The following ZNF184 variants were observed in gnomAD, a reference collection of about 807,000 sequenced individuals.
ZNF184 encodes the protein zinc finger protein 184, also known as zinc finger protein 184 (Kruppel-like).
In ZNF184, 16 loss-of-function variants were observed where a neutral mutation model predicts 54.4. The observed-to-expected ratio is 0.29, with a 90% confidence interval of 0.20 to 0.45. ZNF184 has a LOEUF of 0.45. ZNF184 is among the 20% of genes least tolerant of loss of function. The pLI is 1.00. For missense variants in ZNF184, 681 were observed against 888.2 expected (o/e 0.77, Z 2.97); for synonymous variants, 254 against 295.3 (o/e 0.86, Z 1.43).
At chr6:27,435,982 C>T in the ZNF184 span, among the ~76,000 whole-genome samples, 13 of 150,114 alleles carry the variant, frequency 8.7e-5, no homozygotes, top group African/African-American at 3.2e-4. Flanking sequence ...CTTAACGATC[C>T]TAAATTAAAG....
chr6:27,448,017 G>A (rs1762657576), downstream of ZNF184, among the ~76,000 whole-genome samples: 1 of 152,204 alleles, frequency 6.6e-6, no homozygotes, highest in Admixed American at 6.5e-5. Context: ...TGCCAGTAGT[G>A]CTCCATTTCT....
chr6:27,467,247 C>T (rs1042119578), intron 3 of ZNF184, among the ~76,000 whole-genome samples: 1 of 152,140 alleles, frequency 6.6e-6, no homozygotes, highest in African/African-American at 2.4e-5. Flanking sequence ...ACTCATTTCA[C>T]CTTTCTTACA....
At chr6:27,456,800 T>C (rs772015667) in intron 5 of ZNF184, 26 bp downstream of exon 5, 2 of 1,590,638 alleles carry the variant, frequency 1.3e-6, no homozygotes, top group Non-Finnish European at 8.6e-7. Context: ...GTTAATGATA[T>C]TCATCTGCTG....
At chr6:27,441,687 G>A in the ZNF184 span, among the ~76,000 whole-genome samples, 1 of 152,178 alleles carries the variant, frequency 6.6e-6, no homozygotes, top group Non-Finnish European at 1.5e-5. Context: ...CTGACATGTT[G>A]TTATTTAATA....
chr6:27,439,019 T>C, the ZNF184 span, among the ~76,000 whole-genome samples: 1 of 152,192 alleles, frequency 6.6e-6, no homozygotes, highest in African/African-American at 2.4e-5. Flanking sequence ...TTATTTCATA[T>C]TGAAGAAGTC....
intron 2 of ZNF184, among the ~76,000 whole-genome samples, chr6:27,468,530 A>C (rs542313808): frequency 1.3e-5 from 2 of 152,340 alleles, no homozygotes; most frequent in East Asian, 3.9e-4. Flanking sequence ...CTGTCCTTAC[A>C]TCCATAGAAA....
the ZNF184 span, among the ~76,000 whole-genome samples, chr6:27,444,635 C>A: frequency 1.3e-5 from 2 of 152,172 alleles, no homozygotes; most frequent in African/African-American, 4.8e-5. Flanking sequence ...CACCACTCTA[C>A]CAAAACTGCT....
At chr6:27,467,202 C>T (rs1763160412) in intron 3 of ZNF184, among the ~76,000 whole-genome samples, 1 of 152,194 alleles carries the variant, frequency 6.6e-6, no homozygotes. Context: ...TCCCTCCAGA[C>T]CACATACATT....
chr6:27,463,932 C>A (rs898359063), intron 3 of ZNF184, among the ~76,000 whole-genome samples: 8 of 149,716 alleles, frequency 5.3e-5, no homozygotes, highest in Admixed American at 2.7e-4. Context: ...AAAAAAAAAA[C>A]CAGATGAAAA....
chr6:27,454,840 T>C (rs2235253), intron 5 of ZNF184, among the ~76,000 whole-genome samples: 7 of 152,350 alleles, frequency 4.6e-5, no homozygotes, highest in East Asian at 3.9e-4. Context: ...TCTACAGACA[T>C]TGACTATACT....
intron 3 of ZNF184, among the ~76,000 whole-genome samples, chr6:27,461,924 G>T (rs961515448): frequency 6.6e-6 from 1 of 152,202 alleles, no homozygotes; most frequent in Non-Finnish European, 1.5e-5. Context: ...ATCTGTGCAT[G>T]GGTGTGATGA....
chr6:27,407,926 T>A, the ZNF184 span: 2 of 1,301,246 alleles, frequency 1.5e-6, no homozygotes, highest in Non-Finnish European at 2.2e-6. Flanking sequence ...AGAGATGGTG[T>A]TTTGAGAGAT....
chr6:27,432,351 C>T, the ZNF184 span, among the ~76,000 whole-genome samples: 31 of 152,280 alleles, frequency 2.0e-4, no homozygotes, highest in Admixed American at 2.0e-3. This position sits in a 1 kb window ranked among gnomAD's most constrained non-coding sequence, Gnocchi z 4.0. Flanking sequence ...TTTGAATATC[C>T]ACATCCTGTT....
At position 27,452,702 on chromosome 6, in the gene ZNF184, C is replaced by G; in HGVS notation, c.857G>C (p.Gly286Ala). 2.5e-6 allele frequency: 4 copies of G among 1,613,946 alleles called. No individual in the cohort carries two copies. Among genetic ancestry groups the G allele is most frequent in the South Asian group, 1.1e-5 (1 of 91,064 alleles). The change falls in exon 6 of 6, where the codon GGC (glycine) becomes GCC (alanine). Residue 286 changes from glycine (G) to alanine (A), a missense_variant. Transcript: ENST00000683788. The surrounding 1 kb of genome is among the most constrained non-coding windows in gnomAD (Gnocchi z 5.5). Reference sequence around the variant, plus strand: ...AGTAAGAGATGGACCCTCAATGAAGCCTTTTCCACACTGATCACATTTATA... The same window carrying G: ...AGTAAGAGATGGACCCTCAATGAAGGCTTTTCCACACTGATCACATTTATA... ...KPYKCDQCGKGFIEGPSLTQH... is the reference protein window; with the variant it reads ...KPYKCDQCGKAFIEGPSLTQH...
At chr6:27,463,993 C>T (rs1763063621) in intron 3 of ZNF184, among the ~76,000 whole-genome samples, 1 of 151,738 alleles carries the variant, frequency 6.6e-6, no homozygotes, top group South Asian at 2.1e-4. Context: ...ATATTTTGGA[C>T]CAGATGATTC....
intron 3 of ZNF184, among the ~76,000 whole-genome samples, chr6:27,465,564 A>C (rs1299899472): frequency 6.6e-6 from 1 of 151,734 alleles, no homozygotes; most frequent in African/African-American, 2.4e-5. Flanking sequence ...ATAAAGATAC[A>C]AATAAGTTAA....
At chr6:27,457,823 A>G (rs146540147) in intron 3 of ZNF184, among the ~76,000 whole-genome samples, 276 of 152,350 alleles carry the variant, frequency 1.8e-3, no homozygotes, top group Non-Finnish European at 3.2e-3. Context: ...ACTTGCCCTA[A>G]TACATTTCAA....
the ZNF184 span, among the ~76,000 whole-genome samples, chr6:27,413,452 T>G: frequency 2.0e-5 from 3 of 152,224 alleles, no homozygotes; most frequent in Non-Finnish European, 2.9e-5. Context: ...CATTTTTAAT[T>G]ATGACAAATT....
rs1216618161 is a variant in ZNF184, at chr6:27,451,565, G to C, written c.1994C>G (p.Thr665Ser). 1 of 1,614,026 alleles carries C rather than the reference G, an allele frequency of 6.2e-7. No homozygotes were observed. Among genetic ancestry groups the C allele is most frequent in the African/African-American group, 1.3e-5 (1 of 74,926 alleles). The change falls in exon 6 of 6, where the codon ACT becomes AGT. Residue 665 changes from threonine to serine, a missense_variant. Coordinates refer to ENST00000683788, the MANE Select transcript of ZNF184 (RefSeq NM_001318891.2). ...ATTGCACTTATAGGGCTTCTCCCCA[G>C]TGTGAATTCGTTGATGCTGAGTTAG... is the stretch of plus-strand genomic sequence containing the variant. ...SHLTQHQRIH[T>S]GEKPYKCNEC...
Sources: gnomAD v4.1 joint callset for allele counts (sites outside exome capture counted in the v4.1 genomes callset) on GRCh38, gnomAD v4.1.1 for gene constraint, Gnocchi (gnomAD v3.1) non-coding constraint, MANE v1.5 for transcripts, NCBI Gene and HGNC (gene_info 2026-07-23, HGNC 2026-07-21) for gene names.